CTDP1: variants seen among roughly 807,000 people sequenced by gnomAD.
The protein encoded by CTDP1 is RNA polymerase II subunit A C-terminal domain phosphatase.
A neutral mutation model predicts 91.8 loss-of-function variants in CTDP1; 47 were observed. That is an observed-to-expected ratio of 0.51 (90% CI 0.41 to 0.65). CTDP1 has a LOEUF of 0.65. CTDP1 is among the 30% of genes least tolerant of loss of function. The probability of loss-of-function intolerance (pLI) is 0.00; values close to 1 mark genes in which losing one functional copy is unlikely to be tolerated. For synonymous variants in CTDP1, 656 were observed against 598.5 expected (o/e 1.10, Z -1.40); for missense variants, 1,272 against 1,373.7 (o/e 0.93, Z 1.17).
intron 12 of CTDP1, among the ~76,000 whole-genome samples, chr18:79,752,242 G>C (rs942979574): frequency 6.7e-5 from 10 of 148,634 alleles, no homozygotes; most frequent in East Asian, 4.0e-4. Context: ...TAGTGGCACC[G>C]GCTGGTTATG....
At chr18:79,698,386 A>G (rs900247490) in intron 4 of CTDP1, among the ~76,000 whole-genome samples, 9 of 152,002 alleles carry the variant, frequency 5.9e-5, no homozygotes, top group African/African-American at 1.9e-4. Context: ...TAGGATGTCA[A>G]GGGCAGGTGG....
intron 12 of CTDP1, among the ~76,000 whole-genome samples, chr18:79,740,497 A>G (rs2086754441): frequency 6.6e-6 from 1 of 152,188 alleles, no homozygotes; most frequent in Non-Finnish European, 1.5e-5. Context: ...TTTGCTTGTA[A>G]CGAAGTAAAT....
chr18:79,717,451 AGGGCCCTGGTG>A, intron 8 of CTDP1, 73 bp from the exon 9 acceptor site: 1 of 1,581,580 alleles, frequency 6.3e-7, no homozygotes, highest in Non-Finnish European at 8.6e-7. Flanking sequence ...CAGCCAGGTG[AGGGCCCTGGTG>A]GGTGCAGCCG....
At chr18:79,708,481 T>G (rs896694362) in intron 5 of CTDP1, among the ~76,000 whole-genome samples, 3 of 152,172 alleles carry the variant, frequency 2.0e-5, no homozygotes, top group Non-Finnish European at 4.4e-5. Context: ...GTGGACCCCG[T>G]GTGCCACGTG....
At chr18:79,735,769 C>T (rs2086654834) in intron 11 of CTDP1, 3 of 158,260 alleles carry the variant, frequency 1.9e-5, no homozygotes, top group African/African-American at 4.8e-5. Flanking sequence ...CACTCCCGTC[C>T]GCGTCACACG....
chr18:79,692,578 C>T (rs2085647530), intron 1 of CTDP1, among the ~76,000 whole-genome samples: 1 of 152,220 alleles, frequency 6.6e-6, no homozygotes, highest in Non-Finnish European at 1.5e-5. Context: ...CAAAATCCTC[C>T]TAGTTCATAT....
Position 79,753,765 on chromosome 18 carries a change from AG to A in CTDP1, c.2863del (p.Ala955ArgfsTer18), listed in dbSNP as rs1347074572. 1.9e-6 allele frequency: 3 copies of A among 1,613,730 alleles called. No individual in the cohort carries two copies. The highest frequency in any genetic ancestry group is 2.5e-6 in the Non-Finnish European group (3 of 1,179,990). ...SEADEMAKAL[E>X]AELNDLM ...GCCGACGAGATGGCCAAGGCGCTGG[AG>A]GCGGAGCTCAACGACCTCATGTGAG... On this transcript the variant is annotated frameshift_variant, in exon 13 of 13. Coordinates refer to ENST00000613122, the MANE Select transcript of CTDP1 (RefSeq NM_004715.5). LOFTEE classifies it high-confidence loss of function.
Position 79,729,009 on chromosome 18 carries a change from G to T in CTDP1, c.2520G>T (p.Met840Ile). The T allele has an allele frequency of 6.2e-7, 1 of 1,614,170 alleles. No homozygotes were observed. Among genetic ancestry groups the T allele is most frequent in the Non-Finnish European group, 8.5e-7 (1 of 1,180,048 alleles). Residue 840 changes from methionine (M) to isoleucine (I), a missense_variant, in exon 11 of 13, where the codon ATG becomes ATT. Physicochemically the swap from Met to Ile is conservative, Grantham distance 10 (BLOSUM62 1). Around this residue, in one of 3 missense-constraint regions of CTDP1, gnomAD observed 881 missense variants for 911.6 expected, o/e 0.97. Transcript: ENST00000613122. ...CTAGAAGAAAGCGACAGCCCAGTAT[G>T]TCTGAGACAATGCCGCTGTACACTC... ...GPSRRKRQPS[M>I]SETMPLYTLC... is the part of the protein sequence containing the mutation.
intron 3 of CTDP1, 71 bp from the exon 4 acceptor site, chr18:79,697,789 C>G: frequency 6.3e-7 from 1 of 1,599,320 alleles, no homozygotes; most frequent in Non-Finnish European, 8.6e-7. Flanking sequence ...TTGTGTTTCT[C>G]GATGAAATGG....
At chr18:79,678,939 G>GAAGTGCTGAGCCTCCCA (rs779671430), upstream of CTDP1, 14 of 179,234 alleles carry the variant, frequency 7.8e-5, no homozygotes, top group Admixed American at 8.0e-4. Flanking sequence ...ACAGCCTCCC[G>GAAGTGCTGAGCCTCCCA]AAGTGCTGAG....
At chr18:79,725,051 A>G (rs1474963824) in intron 10 of CTDP1, among the ~76,000 whole-genome samples, 1 of 152,166 alleles carries the variant, frequency 6.6e-6, no homozygotes, top group Non-Finnish European at 1.5e-5. Flanking sequence ...GTTGATTGAT[A>G]TGATGGTGTG....
chr18:79,734,539 C>T (rs1010694381), intron 11 of CTDP1, among the ~76,000 whole-genome samples: 2 of 151,072 alleles, frequency 1.3e-5, no homozygotes, highest in Non-Finnish European at 2.9e-5. Context: ...TGCCCTGCCT[C>T]ACCAGCGTTG....
chr18:79,685,004 AGGACGG>A (rs1568171062), intron 1 of CTDP1, among the ~76,000 whole-genome samples: 1 of 37,262 alleles, frequency 2.7e-5, no homozygotes, highest in African/African-American at 7.9e-5. Flanking sequence ...CCTGGTGAGG[AGGACGG>A]TGCAGGGACC....
chr18:79,733,133 G>T (rs1034996654), intron 11 of CTDP1, among the ~76,000 whole-genome samples: 5 of 152,218 alleles, frequency 3.3e-5, no homozygotes, highest in African/African-American at 1.2e-4. Flanking sequence ...GGACGAATGT[G>T]TGTTGTGTGT....
At chr18:79,695,185 A>C (rs1325258890) in intron 1 of CTDP1, 40 bp from the exon 2 acceptor site, 32 of 1,585,374 alleles carry the variant, frequency 2.0e-5, no homozygotes, top group Non-Finnish European at 2.4e-5. Flanking sequence ...TGATAAACCA[A>C]GAGATTTTAA....
At chr18:79,688,041 T>C (rs500795) in intron 1 of CTDP1, among the ~76,000 whole-genome samples, 96,981 of 152,158 alleles carry the variant, frequency 0.64, 31,147 homozygotes, top group Middle Eastern at 0.71. Context: ...GTTCCTTCTT[T>C]ACATTCCTCA....
At chr18:79,748,740 C>T (rs958426232) in intron 12 of CTDP1, among the ~76,000 whole-genome samples, 15 of 152,304 alleles carry the variant, frequency 9.8e-5, no homozygotes, top group African/African-American at 2.2e-4. Flanking sequence ...CACACAACAG[C>T]GACAGAGTCA....
intron 11 of CTDP1, among the ~76,000 whole-genome samples, chr18:79,732,196 G>C (rs1479790089): frequency 7.2e-6 from 1 of 139,806 alleles, no homozygotes; most frequent in African/African-American, 2.7e-5. Flanking sequence ...AGAACTCGCT[G>C]TCATCAGGAG....
rs939351399 is a variant in CTDP1, at chr18:79,736,499, G to A, written c.2725G>A (p.Ala909Thr). ...LGAPASSERS[A>T]AGGRGPRGHK... The stretch of plus-strand genomic sequence containing the variant: ...GGCACCTGCGTCCAGCGAGAGGAGC[G>A]CGGCAGGGGGCCGGGGGCCCAGGTG... Residue 909 changes from alanine to threonine, a missense_variant, in exon 12 of 13, where the codon GCG becomes ACG. By Grantham distance (58) the Ala-to-Thr change is moderately conservative. Around this residue, in one of 3 missense-constraint regions of CTDP1, gnomAD observed 881 missense variants for 911.6 expected, o/e 0.97. Transcript: ENST00000613122. The A allele has an allele frequency of 2.3e-5, 36 of 1,545,660 alleles. No individual in the cohort carries two copies. Among genetic ancestry groups the A allele is most frequent in the East Asian group, 4.9e-5 (2 of 40,848 alleles).
Sources: gnomAD v4.1 joint callset for allele counts (sites outside exome capture counted in the v4.1 genomes callset) on GRCh38, gnomAD v4.1.1 for gene constraint, gnomAD v4.1.1 regional missense constraint, MANE v1.5 for transcripts, NCBI Gene and HGNC (gene_info 2026-07-23, HGNC 2026-07-21) for gene names.